The following CCNH variants were observed in gnomAD, a reference collection of about 807,000 sequenced individuals.
CCNH encodes the protein cyclin-H.
Under a neutral mutation model 41.9 loss-of-function variants are expected in CCNH, and 31 were observed. The ratio of observed to expected loss-of-function variants is 0.74; its 90% CI spans 0.56 to 1.00. The LOEUF is 1.00. Ranked by LOEUF, CCNH falls within the 50% of genes least tolerant of loss-of-function variation. The pLI, the probability that CCNH is intolerant of heterozygous loss-of-function variation, is 0.00. For synonymous variants in CCNH, 138 were observed against 136.1 expected (o/e 1.01, Z -0.10); for missense variants, 362 against 388.4 (o/e 0.93, Z 0.57).
At chr5:87,406,541 A>G (rs1327075460) in intron 4 of CCNH, among the ~76,000 whole-genome samples, 3 of 152,150 alleles carry the variant, frequency 2.0e-5, no homozygotes, top group Non-Finnish European at 4.4e-5. Context: ...AAAGTTTCTG[A>G]GCACTGACAT....
intron 9 of CCNH, among the ~76,000 whole-genome samples, chr5:87,335,028 G>A (rs943535182): frequency 2.0e-5 from 3 of 152,094 alleles, no homozygotes; most frequent in African/African-American, 7.2e-5. Context: ...AATTACAGGC[G>A]TGTGTCACCA....
chr5:87,365,137 T>C (rs946169753), intron 9 of CCNH, among the ~76,000 whole-genome samples: 1 of 152,176 alleles, frequency 6.6e-6, no homozygotes, highest in African/African-American at 2.4e-5. Context: ...ATGAATTCAG[T>C]TGGATAGTTG....
chr5:87,396,898 A>G (rs1475602062), intron 7 of CCNH, among the ~76,000 whole-genome samples: 1 of 152,236 alleles, frequency 6.6e-6, no homozygotes, highest in Non-Finnish European at 1.5e-5. Context: ...AAGGCTGGCA[A>G]AGGTAAACAA....
rs747283068 is a variant in CCNH, at chr5:87,395,080, A to G, written c.897T>C (p.Asp299=). 8 of 1,611,818 alleles carry G rather than the reference A, an allele frequency of 5.0e-6. No homozygotes were observed. In the Admixed American group the frequency reaches 5.0e-5, roughly 10 times the overall value. ...TGGATTTCTTTGAGACGTAATCATCATCTTCATAGCCTTTCCTCTTCTTCC... is the reference window on the plus strand; with the variant it reads ...TGGATTTCTTTGAGACGTAATCATCGTCTTCATAGCCTTTCCTCTTCTTCC... The part of the protein sequence containing the change: ...VITKKRKGYE[D]DDYVSKKSKH... Residue 299 remains aspartate, a synonymous_variant, in exon 8 of 9, where the codon GAT becomes GAC. Transcript: ENST00000256897.
intron 2 of CCNH, among the ~76,000 whole-genome samples, chr5:87,410,840 ATT>A (rs1421191567): frequency 2.0e-5 from 3 of 152,234 alleles, no homozygotes; most frequent in Non-Finnish European, 2.9e-5. Context: ...GGGGCATATG[ATT>A]ACCAATGATG....
intron 9 of CCNH, among the ~76,000 whole-genome samples, chr5:87,325,136 C>T (rs1757135204): frequency 6.6e-6 from 1 of 152,038 alleles, no homozygotes. Context: ...TGTCCTTCTT[C>T]ACATGGTGTC....
At chr5:87,314,045 T>C (rs1227155398), downstream of CCNH, among the ~76,000 whole-genome samples, 2 of 152,176 alleles carry the variant, frequency 1.3e-5, no homozygotes, top group African/African-American at 4.8e-5. Context: ...GGCACATGCC[T>C]GTAATCCCAG....
At chr5:87,377,397 C>T (rs978245922), upstream of CCNH, among the ~76,000 whole-genome samples, 10 of 152,178 alleles carry the variant, frequency 6.6e-5, no homozygotes, top group Non-Finnish European at 1.5e-4. Flanking sequence ...GTGGCGCAGT[C>T]TCGGCTCACT....
chr5:87,381,868 A>G (rs549530264), upstream of CCNH, among the ~76,000 whole-genome samples: 1 of 152,336 alleles, frequency 6.6e-6, no homozygotes, highest in African/African-American at 2.4e-5. Flanking sequence ...TTTCAGGCTC[A>G]TAGACCTACT....
At chr5:87,383,789 C>A (rs1196310898) in intron 9 of CCNH, 5 of 1,600,322 alleles carry the variant, frequency 3.1e-6, no homozygotes, top group Non-Finnish European at 4.3e-6. Context: ...AGGTAATCAG[C>A]TTTTGATACA....
At chr5:87,395,730 A>C (rs777747157) in intron 7 of CCNH, among the ~76,000 whole-genome samples, 21 of 152,042 alleles carry the variant, frequency 1.4e-4, no homozygotes, top group Non-Finnish European at 3.1e-4. Context: ...AAAATTAACC[A>C]ATGTGGTTGA....
chr5:87,337,097 G>T (rs920574521), intron 9 of CCNH, among the ~76,000 whole-genome samples: 2 of 152,030 alleles, frequency 1.3e-5, no homozygotes, highest in African/African-American at 2.4e-5. Context: ...GACAAATACA[G>T]TTATAGATAC....
At chr5:87,356,268 C>T (rs1237676406) in intron 9 of CCNH, among the ~76,000 whole-genome samples, 1 of 152,088 alleles carries the variant, frequency 6.6e-6, no homozygotes, top group Non-Finnish European at 1.5e-5. Flanking sequence ...GAAATTGCCA[C>T]AACCACCCCA....
At chr5:87,338,536 A>ATATATTTTTTTTTT in intron 9 of CCNH, among the ~76,000 whole-genome samples, 5 of 85,218 alleles carry the variant, frequency 5.9e-5, no homozygotes, top group African/African-American at 2.2e-4. Flanking sequence ...TATATATAAA[A>ATATATTTTTTTTTT]TTTTTTTTTT....
In CCNH at chr5:87,385,111, T is replaced by C. The variant is rs10942503; in HGVS notation, c.*90+7659A>G. On this transcript the variant is annotated intron_variant and NMD_transcript_variant, in intron 9 of 9. Coordinates refer to the CCNH transcript ENST00000645953. ...AGCATATTCACTTTTTCTCTTTTAA[T>C]TCAAGTTCTTTTGAATTTTATGGAT... Among the ~76,000 whole-genome samples, 10,731 of 152,216 alleles carry C rather than the reference T, an allele frequency of 0.07. 850 individuals are homozygous for C. Among genetic ancestry groups the C allele is most frequent in the African/African-American group, 0.2 (8,182 of 41,536 alleles).
At chr5:87,318,277 G>T (rs1415258473), downstream of CCNH, 1 of 152,172 alleles carries the variant, frequency 6.6e-6, no homozygotes, top group African/African-American at 2.4e-5. Context: ...GTTAGAGGAG[G>T]AGTTTATGGC....
At chr5:87,339,332 T>C (rs1758269634) in intron 9 of CCNH, among the ~76,000 whole-genome samples, 1 of 152,186 alleles carries the variant, frequency 6.6e-6, no homozygotes, top group South Asian at 2.1e-4. Context: ...GAGCTAGGAT[T>C]AGGACTCCTA....
rs1763221127 is a variant in CCNH at position 87,399,379 on chromosome 5, G to A, written c.872+15C>T. The A allele has an allele frequency of 1.3e-6, 2 of 1,564,064 alleles. No individual in the cohort carries two copies. Among genetic ancestry groups the A allele is most frequent in the South Asian group, 1.1e-5 (1 of 90,136 alleles). On this transcript the variant is annotated intron_variant, in intron 7 of 8. Transcript: ENST00000256897. The stretch of plus-strand genomic sequence containing the variant: ...ACAGTTATGTCTATTGATTAACACT[G>A]TCACATTAACTTACGTGATTACGTT...
intron 9 of CCNH, among the ~76,000 whole-genome samples, chr5:87,363,920 T>C (rs775308852): frequency 2.6e-5 from 4 of 152,098 alleles, no homozygotes; most frequent in African/African-American, 4.8e-5. Flanking sequence ...AAAATTGTCT[T>C]GATAGGAAAA....
Sources: gnomAD v4.1 joint callset for allele counts (sites outside exome capture counted in the v4.1 genomes callset) on GRCh38, gnomAD v4.1.1 for gene constraint, MANE v1.5 for transcripts, NCBI Gene and HGNC (gene_info 2026-07-23, HGNC 2026-07-21) for gene names.